PARD3B: variants seen among roughly 807,000 people sequenced by gnomAD.
PARD3B encodes partitioning defective 3 homolog B.
In PARD3B, 103 loss-of-function variants were observed where a neutral mutation model predicts 130.2. The observed-to-expected ratio is 0.79, with a 90% CI of 0.67 to 0.93. The LOEUF is 0.93. PARD3B is among the 40% of genes least tolerant of loss of function. PARD3B has a pLI of 0.00. For synonymous variants in PARD3B, 583 were observed against 553.2 expected, an observed-to-expected ratio of 1.05 and a Z score of -0.76; for missense variants, 1,609 against 1,499.2, an observed-to-expected ratio of 1.07 and a Z score of -1.21.
chr2:204,872,273 G>GTT (rs1018250325), intron 2 of PARD3B, among the ~76,000 whole-genome samples: 1 of 151,824 alleles, frequency 6.6e-6, no homozygotes, highest in Non-Finnish European at 1.5e-5. Flanking sequence ...TGGATAGATA[G>GTT]TTATATATAT....
intron 20 of PARD3B, among the ~76,000 whole-genome samples, chr2:205,459,714 C>G (rs919270626): frequency 6.6e-6 from 1 of 152,176 alleles, no homozygotes; most frequent in Non-Finnish European, 1.5e-5. Flanking sequence ...ATCAGTCTCC[C>G]TCTCAGAGAC....
chr2:205,078,205 G>T lies in PARD3B; in HGVS notation c.505-26221G>T, dbSNP rs1239722252. The stretch of plus-strand genomic sequence containing the variant: ...AATGTTTAACCTGAGCTAATTAGGA[G>T]CCTTGAGAATTTTAGTTAGCAAGTT... On this transcript the variant is annotated intron_variant, in intron 4 of 22. Transcript: ENST00000406610. The surrounding 1 kb of genome is among the most constrained non-coding windows in gnomAD (Gnocchi z 4.0). 6.6e-6 allele frequency among the ~76,000 whole-genome samples: 1 copy of T among 152,194 alleles called. No homozygotes were observed. Among genetic ancestry groups the T allele is most frequent in the Non-Finnish European group, 1.5e-5 (1 of 68,024 alleles).
intron 2 of PARD3B, among the ~76,000 whole-genome samples, chr2:204,733,114 C>T (rs529629063): frequency 4.6e-5 from 7 of 151,888 alleles, no homozygotes; most frequent in African/African-American, 1.2e-4. Context: ...AAACAGGAGC[C>T]GACTGGATGG....
chr2:205,075,751 C>G (rs1208257662), intron 4 of PARD3B, among the ~76,000 whole-genome samples: 2 of 150,750 alleles, frequency 1.3e-5, no homozygotes, highest in Non-Finnish European at 3.0e-5. Flanking sequence ...ATACAAGACA[C>G]TCCAAAAATA....
chr2:205,587,804 C>T (rs767456977), intron 22 of PARD3B, among the ~76,000 whole-genome samples: 2 of 152,192 alleles, frequency 1.3e-5, no homozygotes, highest in Non-Finnish European at 2.9e-5. Context: ...ATTTCGTTTC[C>T]TCCCTTTTTC....
intron 10 of PARD3B, among the ~76,000 whole-genome samples, chr2:205,150,268 A>C (rs1221800534): frequency 2.3e-5 from 3 of 131,680 alleles, no homozygotes; most frequent in African/African-American, 5.8e-5. Flanking sequence ...CACGCTTGAA[A>C]TCTGTGAGTG....
At chr2:205,123,770 A>G (rs926717455) in intron 8 of PARD3B, among the ~76,000 whole-genome samples, 1 of 151,982 alleles carries the variant, frequency 6.6e-6, no homozygotes, top group Non-Finnish European at 1.5e-5. Context: ...GGAAGTAAGG[A>G]TCCTTCAGGG....
At chr2:204,670,812 G>T (rs763879243) in intron 1 of PARD3B, among the ~76,000 whole-genome samples, 5 of 152,080 alleles carry the variant, frequency 3.3e-5, no homozygotes, top group Non-Finnish European at 7.4e-5. Context: ...TTTTACTGGA[G>T]TTAATGACTT....
intron 20 of PARD3B, among the ~76,000 whole-genome samples, chr2:205,447,950 T>C (rs891810119): frequency 6.6e-6 from 1 of 152,172 alleles, no homozygotes; most frequent in African/African-American, 2.4e-5. Context: ...TAAGCCTCAT[T>C]AACAGCCTTT....
At chr2:204,802,939 G>GT (rs1193438657) in intron 2 of PARD3B, among the ~76,000 whole-genome samples, 15 of 151,518 alleles carry the variant, frequency 9.9e-5, no homozygotes, top group Non-Finnish European at 2.2e-4. Context: ...TTTTACCTAT[G>GT]TAACAAACCT....
chr2:205,443,951 C>G (rs894215184), intron 20 of PARD3B, among the ~76,000 whole-genome samples: 20 of 152,080 alleles, frequency 1.3e-4, no homozygotes, highest in African/African-American at 4.8e-4. Flanking sequence ...CCAGCCTGAG[C>G]AATATAGCAA....
chr2:204,825,597 A>G (rs2043537163), intron 2 of PARD3B, among the ~76,000 whole-genome samples: 1 of 152,240 alleles, frequency 6.6e-6, no homozygotes, highest in Non-Finnish European at 1.5e-5. Flanking sequence ...TTCAGTGAAG[A>G]CTAAACAGAA....
chr2:205,365,248 T>A (rs965991912), intron 18 of PARD3B, among the ~76,000 whole-genome samples: 1 of 150,684 alleles, frequency 6.6e-6, no homozygotes, highest in Non-Finnish European at 1.5e-5. Flanking sequence ...GGCAGGCGCC[T>A]GTAATCCTAG....
intron 19 of PARD3B, among the ~76,000 whole-genome samples, chr2:205,417,271 A>G (rs1216611320): frequency 1.3e-5 from 2 of 151,782 alleles, no homozygotes; most frequent in African/African-American, 4.8e-5. Flanking sequence ...ACCCTTTCTT[A>G]TGGCTGCATA....
chr2:204,550,412 CTGTGTGTGTGTGTG>C (rs3051346), intron 1 of PARD3B, among the ~76,000 whole-genome samples: 3 of 144,300 alleles, frequency 2.1e-5, no homozygotes, highest in Non-Finnish European at 4.6e-5. Flanking sequence ...GGAGGGCTGA[CTGTGTGTGTGTGTG>C]TGTGTGTGTG....
At chr2:205,339,742 T>C (rs1248397962) in intron 18 of PARD3B, among the ~76,000 whole-genome samples, 1 of 152,138 alleles carries the variant, frequency 6.6e-6, no homozygotes, top group South Asian at 2.1e-4. Flanking sequence ...ACGGGCGCTA[T>C]AAGTTGTGCT....
At chr2:205,118,840 T>C in intron 6 of PARD3B, 81 bp from the exon 7 acceptor site, 1 of 971,176 alleles carries the variant, frequency 1.0e-6, no homozygotes, top group Non-Finnish European at 1.5e-6. Context: ...AATCAATATG[T>C]ATTTCTGAAT....
intron 22 of PARD3B, among the ~76,000 whole-genome samples, chr2:205,570,345 A>T (rs2053516566): frequency 6.6e-6 from 1 of 152,196 alleles, no homozygotes; most frequent in African/African-American, 2.4e-5. Flanking sequence ...CATTTTTTAA[A>T]TCCTCACATT....
intron 18 of PARD3B, among the ~76,000 whole-genome samples, chr2:205,331,425 G>A (rs539326162): frequency 3.3e-5 from 5 of 152,066 alleles, no homozygotes; most frequent in Admixed American, 3.3e-4. Flanking sequence ...AGCCTCATCT[G>A]GGCTAGGGTG....
Sources: allele counts gnomAD v4.1 joint callset (sites outside exome capture counted in the v4.1 genomes callset), GRCh38; gene constraint gnomAD v4.1.1; non-coding constraint Gnocchi (gnomAD v3.1); transcripts MANE v1.5; gene names NCBI Gene and HGNC (gene_info 2026-07-23, HGNC 2026-07-21).